The following DPYD variants were observed in gnomAD, a reference collection of about 807,000 sequenced individuals.
The protein encoded by DPYD is dihydropyrimidine dehydrogenase [NADP(+)].
A neutral mutation model predicts 116.2 loss-of-function variants in DPYD; 109 were observed. That is an observed-to-expected ratio of 0.94 (90% CI 0.80 to 1.10). The LOEUF (loss-of-function observed/expected upper bound fraction) is 1.10. DPYD is among the 50% of genes least tolerant of loss of function. The pLI, the probability that DPYD is intolerant of heterozygous loss-of-function variation, is 0.00. For missense variants in DPYD, 1,302 were observed against 1,254.5 expected (o/e 1.04, Z -0.57); for synonymous variants, 440 against 432.0 (o/e 1.02, Z -0.23).
intron 13 of DPYD, among the ~76,000 whole-genome samples, chr1:97,505,524 C>T (rs1181885140): frequency 1.3e-5 from 2 of 150,728 alleles, no homozygotes; most frequent in Non-Finnish European, 3.0e-5. Context: ...TAAAATATTG[C>T]ATATTAAGTA....
At chr1:97,822,326 A>G (rs1246674459) in intron 3 of DPYD, among the ~76,000 whole-genome samples, 1 of 148,136 alleles carries the variant, frequency 6.8e-6, no homozygotes, top group African/African-American at 2.4e-5. Context: ...ATATCTGTAT[A>G]TATACACAGA....
chr1:97,439,112 T>A (rs1403428793), intron 14 of DPYD, among the ~76,000 whole-genome samples: 1 of 152,006 alleles, frequency 6.6e-6, no homozygotes, highest in Non-Finnish European at 1.5e-5. Context: ...TTCTTCAAAT[T>A]TTTTTTTCTA....
intron 7 of DPYD, among the ~76,000 whole-genome samples, chr1:97,686,058 T>A (rs963937153): frequency 6.6e-6 from 1 of 152,146 alleles, no homozygotes; most frequent in Non-Finnish European, 1.5e-5. Flanking sequence ...ACTGGAGGCA[T>A]CATGCTACCC....
intron 16 of DPYD, among the ~76,000 whole-genome samples, chr1:97,320,178 A>G (rs1668154682): frequency 7.8e-6 from 1 of 127,796 alleles, no homozygotes; most frequent in African/African-American, 2.9e-5. Flanking sequence ...GGCACAAGAC[A>G]GGGATGCCCT....
chr1:97,627,146 C>A (rs986414452), intron 8 of DPYD, among the ~76,000 whole-genome samples: 1 of 151,956 alleles, frequency 6.6e-6, no homozygotes, highest in African/African-American at 2.4e-5. Context: ...AAGACCCCAC[C>A]TCCTAATACC....
intron 8 of DPYD, among the ~76,000 whole-genome samples, chr1:97,645,252 A>G (rs1328557487): frequency 2.0e-5 from 3 of 152,044 alleles, no homozygotes; most frequent in Non-Finnish European, 4.4e-5. Flanking sequence ...TTATATAATA[A>G]TTGTATAGGA....
chr1:97,215,633 G>A (rs750438597), intron 19 of DPYD, among the ~76,000 whole-genome samples: 122 of 152,156 alleles, frequency 8.0e-4, no homozygotes, highest in Non-Finnish European at 1.6e-3. Flanking sequence ...AAAGGTCTAC[G>A]TTATTTTATA....
chr1:97,614,541 A>C (rs1656148933), intron 8 of DPYD, among the ~76,000 whole-genome samples: 1 of 152,076 alleles, frequency 6.6e-6, no homozygotes, highest in East Asian at 1.9e-4. Flanking sequence ...CAAGTCCAAA[A>C]TTTTATAGCT....
intron 1 of DPYD, among the ~76,000 whole-genome samples, chr1:97,907,757 A>G (rs764011746): frequency 6.6e-6 from 1 of 151,436 alleles, no homozygotes; most frequent in Non-Finnish European, 1.5e-5. Context: ...CCTTCCACAA[A>G]TATCCCAGCT....
At chr1:97,561,212 C>G (rs2102134008) in intron 11 of DPYD, among the ~76,000 whole-genome samples, 1 of 152,284 alleles carries the variant, frequency 6.6e-6, no homozygotes, top group East Asian at 1.9e-4. Context: ...GATGACCAGT[C>G]TTAGGAAACC....
At chr1:97,646,329 TC>T (rs1372346434) in intron 8 of DPYD, among the ~76,000 whole-genome samples, 3 of 151,914 alleles carry the variant, frequency 2.0e-5, no homozygotes, top group Admixed American at 2.0e-4. Context: ...ATTTTTTTTT[TC>T]ATTTTCCTCC....
intron 3 of DPYD, among the ~76,000 whole-genome samples, chr1:97,790,107 A>G (rs1667238915): frequency 6.6e-6 from 1 of 152,166 alleles, no homozygotes; most frequent in African/African-American, 2.4e-5. Flanking sequence ...CCTACGTTGT[A>G]AACTTTTCAT....
In DPYD at chr1:97,740,408, G is replaced by A; in HGVS notation, c.305C>T (p.Thr102Ile). ...TGAATTTACCTTGTTTGCAATACTTGTGATGAATGATTTAATATCAAGATT... is the reference window on the plus strand; with the variant it reads ...TGAATTTACCTTGTTTGCAATACTTATGATGAATGATTTAATATCAAGATT... ...PTNLDIKSFI[T>I]SIANKNYYGA... Residue 102 changes from threonine to isoleucine, a missense_variant, in exon 4 of 23, where the codon ACA becomes ATA. Coordinates refer to ENST00000370192, the MANE Select transcript of DPYD (RefSeq NM_000110.4). The A allele has an allele frequency of 1.2e-6, 2 of 1,612,524 alleles. No homozygotes were observed. The highest frequency in any genetic ancestry group is 1.7e-6 in the Non-Finnish European group (2 of 1,178,926).
intron 8 of DPYD, among the ~76,000 whole-genome samples, chr1:97,639,425 C>T (rs748325510): frequency 7.9e-5 from 12 of 152,010 alleles, no homozygotes; most frequent in Non-Finnish European, 1.6e-4. Flanking sequence ...ACTCTATTCA[C>T]TATTAACTGT....
intron 18 of DPYD, among the ~76,000 whole-genome samples, chr1:97,264,180 T>G (rs1462326722): frequency 7.1e-6 from 1 of 140,258 alleles, no homozygotes; most frequent in Admixed American, 7.2e-5. Flanking sequence ...TTTTTTTTTT[T>G]TTTTTTTTTT....
At chr1:97,497,837 A>G (rs1264838102) in intron 13 of DPYD, among the ~76,000 whole-genome samples, 2 of 151,784 alleles carry the variant, frequency 1.3e-5, no homozygotes, top group Non-Finnish European at 3.0e-5. Flanking sequence ...ACTATATTCC[A>G]AAGGGAATTG....
chr1:97,126,540 C>G (rs1652853051), intron 20 of DPYD, among the ~76,000 whole-genome samples: 1 of 152,066 alleles, frequency 6.6e-6, no homozygotes, highest in Non-Finnish European at 1.5e-5. Flanking sequence ...ATAGGTGAAT[C>G]CTTACTATGT....
chr1:97,193,299 C>A (rs1318115678), intron 19 of DPYD, 51 bp from the exon 20 acceptor site: 1 of 1,553,204 alleles, frequency 6.4e-7, no homozygotes, highest in Non-Finnish European at 8.8e-7. Flanking sequence ...GATAATTCTC[C>A]AAACAAATTC....
At chr1:97,389,988 A>C (rs1274373590) in intron 14 of DPYD, among the ~76,000 whole-genome samples, 1 of 152,064 alleles carries the variant, frequency 6.6e-6, no homozygotes, top group Non-Finnish European at 1.5e-5. Context: ...GGAATAAATA[A>C]AATTATTTTA....
Sources: gnomAD v4.1 joint callset for allele counts (sites outside exome capture counted in the v4.1 genomes callset) on GRCh38, gnomAD v4.1.1 for gene constraint, MANE v1.5 for transcripts, NCBI Gene and HGNC (gene_info 2026-07-23, HGNC 2026-07-21) for gene names.